PDGFC: variants seen among roughly 807,000 people sequenced by gnomAD.
The protein encoded by PDGFC is platelet-derived growth factor C.
Under a neutral mutation model 35.5 loss-of-function variants are expected in PDGFC, and 12 were observed. That is an observed-to-expected ratio of 0.34 (90% confidence interval 0.22 to 0.55). The LOEUF is 0.55. PDGFC is among the 20% of genes least tolerant of loss of function. The pLI is 0.91. For missense variants in PDGFC, 322 were observed against 412.4 expected (o/e 0.78, Z 1.90); for synonymous variants, 159 against 148.8 (o/e 1.07, Z -0.50).
chr4:156,888,834 G>A (rs1730437555), intron 1 of PDGFC, among the ~76,000 whole-genome samples: 1 of 152,230 alleles, frequency 6.6e-6, no homozygotes, highest in South Asian at 2.1e-4. Flanking sequence ...TGGTGGAGCA[G>A]GAAAGGGCAC....
intron 2 of PDGFC, among the ~76,000 whole-genome samples, chr4:156,813,285 G>C (rs1731991638): frequency 6.6e-6 from 1 of 152,052 alleles, no homozygotes; most frequent in Admixed American, 6.6e-5. Flanking sequence ...CCACTCATTC[G>C]ACAGGGATTT....
intron 3 of PDGFC, among the ~76,000 whole-genome samples, chr4:156,804,950 GTC>G (rs1731719904): frequency 6.6e-6 from 1 of 151,894 alleles, no homozygotes; most frequent in Non-Finnish European, 1.5e-5. Context: ...ACAATAATCT[GTC>G]TGCCATTTAC....
At chr4:156,893,375 C>T (rs1579082252) in intron 1 of PDGFC, among the ~76,000 whole-genome samples, 2 of 151,524 alleles carry the variant, frequency 1.3e-5, no homozygotes, top group South Asian at 2.1e-4. Flanking sequence ...GGTCTGTCAC[C>T]TAGGCTGGAA....
chr4:156,825,593 T>TAATAATAAGAAG (rs1267062505), intron 2 of PDGFC, among the ~76,000 whole-genome samples: 40 of 62,184 alleles, frequency 6.4e-4, no homozygotes, highest in African/African-American at 8.7e-4. Context: ...ATAATAATAA[T>TAATAATAAGAAG]AAGAAGAAGA....
intron 1 of PDGFC, among the ~76,000 whole-genome samples, chr4:156,865,947 CT>C (rs562759031): frequency 0.012 from 1,788 of 152,052 alleles, 31 homozygotes; most frequent in African/African-American, 0.04. Flanking sequence ...TTTTCCTCTA[CT>C]TTTTTTTAAA....
rs1042324023 is a variant in PDGFC, at chr4:156,881,952, A to G, written c.119-31536T>C. ...TGCCATGATAGTGAGGCCTCCCCAG[A>G]CATGTGAAACTGTAAGTCCATTAAA... is the stretch of plus-strand genomic sequence containing the variant. On this transcript the variant is annotated intron_variant, in intron 1 of 5. Coordinates refer to ENST00000502773, the MANE Select transcript of PDGFC (RefSeq NM_016205.3). 2.0e-5 allele frequency among the ~76,000 whole-genome samples: 3 copies of G among 151,922 alleles called. No individual in the cohort carries two copies. The East Asian group carries it at 5.8e-4, about 29-fold the overall frequency.
intron 2 of PDGFC, among the ~76,000 whole-genome samples, chr4:156,820,876 A>C (rs1251159194): frequency 6.6e-6 from 1 of 152,220 alleles, no homozygotes; most frequent in Non-Finnish European, 1.5e-5. Flanking sequence ...ATCAAATTAA[A>C]GGTAATTCTC....
At chr4:156,791,202 T>C (rs1731292390) in intron 3 of PDGFC, among the ~76,000 whole-genome samples, 5 of 152,160 alleles carry the variant, frequency 3.3e-5, no homozygotes, top group Admixed American at 2.6e-4. Context: ...GGATCTATCA[T>C]CCATTCATTC....
chr4:156,968,865 AGCCTCAGATGG>A (rs1490246266), intron 1 of PDGFC, among the ~76,000 whole-genome samples: 7 of 152,216 alleles, frequency 4.6e-5, no homozygotes, highest in Admixed American at 4.6e-4. Flanking sequence ...GAAATGGCCC[AGCCTCAGATGG>A]CAACAGAATG....
Position 156,787,863 on chromosome 4 carries a change from G to T in PDGFC, c.496-14970C>A, listed in dbSNP as rs138693659. ...TTCTGATTGCTTGTAATCTCCTTGT[G>T]ACAGAGAAAAAAAATTACCATCTAA... On this transcript the variant is annotated intron_variant, in intron 3 of 5. Transcript: ENST00000502773. 2.4e-3 allele frequency among the ~76,000 whole-genome samples: 370 copies of T among 152,146 alleles called. 1 individual carries two copies. The highest frequency in any genetic ancestry group is 4.0e-3 in the Non-Finnish European group (275 of 68,016).
chr4:156,921,970 T>C (rs1232996503), intron 1 of PDGFC, among the ~76,000 whole-genome samples: 9 of 152,130 alleles, frequency 5.9e-5, no homozygotes, highest in African/African-American at 2.2e-4. Flanking sequence ...AACTGCTTAA[T>C]TGTGCAAATA....
rs551635613 is a variant in PDGFC, at chr4:156,969,578, G to C, written c.118+1208C>G. On this transcript the variant is annotated intron_variant, in intron 1 of 5. Coordinates refer to ENST00000502773, the MANE Select transcript of PDGFC (RefSeq NM_016205.3). ...CTTTCTTAAACATGAACACTTCATA[G>C]AGTTTAAATTCAAAGTTGAAGTCTT... 1.7e-4 allele frequency among the ~76,000 whole-genome samples: 26 copies of C among 152,256 alleles called. No individual in the cohort carries two copies. The South Asian group carries it at 3.1e-3, about 18-fold the overall frequency.
chr4:156,800,163 TTAAA>T (rs1731560817), intron 3 of PDGFC, among the ~76,000 whole-genome samples: 1 of 152,144 alleles, frequency 6.6e-6, no homozygotes, highest in Non-Finnish European at 1.5e-5. Flanking sequence ...AATATGGGGA[TTAAA>T]TAATATATTT....
At chr4:156,904,180 T>A (rs1252524240) in intron 1 of PDGFC, among the ~76,000 whole-genome samples, 1 of 152,092 alleles carries the variant, frequency 6.6e-6, no homozygotes. Context: ...AATCTTTCAT[T>A]GGACAGAAAA....
intron 3 of PDGFC, among the ~76,000 whole-genome samples, chr4:156,797,547 GGAA>G (rs796306161): frequency 9.2e-4 from 140 of 152,240 alleles, no homozygotes; most frequent in African/African-American, 3.1e-3. Context: ...GTCCCACACT[GGAA>G]GAAGAAGAAC....
At chr4:156,884,210 C>A (rs1438431848) in intron 1 of PDGFC, among the ~76,000 whole-genome samples, 1 of 152,166 alleles carries the variant, frequency 6.6e-6, no homozygotes, top group African/African-American at 2.4e-5. Context: ...TTCCTATCTT[C>A]TTACCTGACT....
At chr4:156,818,096 A>G (rs2110967582) in intron 2 of PDGFC, among the ~76,000 whole-genome samples, 1 of 147,668 alleles carries the variant, frequency 6.8e-6, no homozygotes, top group Admixed American at 6.9e-5. Flanking sequence ...ATCTTGTATC[A>G]AAGTTCTTTG....
At chr4:156,906,182 C>T (rs1171456455) in intron 1 of PDGFC, among the ~76,000 whole-genome samples, 1 of 152,070 alleles carries the variant, frequency 6.6e-6, no homozygotes, top group African/African-American at 2.4e-5. Context: ...TTCAGAAGTT[C>T]GGTGTACCCA....
At chr4:156,929,788 G>T (rs1291305341) in intron 1 of PDGFC, among the ~76,000 whole-genome samples, 1 of 152,214 alleles carries the variant, frequency 6.6e-6, no homozygotes, top group East Asian at 1.9e-4. Context: ...AGAAATAGTT[G>T]ATAACATTCT....
Sources: allele counts gnomAD v4.1 joint callset (sites outside exome capture counted in the v4.1 genomes callset), GRCh38; gene constraint gnomAD v4.1.1; transcripts MANE v1.5; gene names NCBI Gene and HGNC (gene_info 2026-07-23, HGNC 2026-07-21).